SLC25A1: variants seen among roughly 807,000 people sequenced by gnomAD.
SLC25A1 encodes the protein solute carrier family 25 member 1.
In SLC25A1, 26 loss-of-function variants were observed where a neutral mutation model predicts 38.1. The ratio of observed to expected loss-of-function variants is 0.68; its 90% CI spans 0.50 to 0.95. The LOEUF (loss-of-function observed/expected upper bound fraction) is 0.95. SLC25A1 is among the 40% of genes least tolerant of loss of function. SLC25A1 has a pLI of 0.00. For synonymous variants in SLC25A1, 211 were observed against 183.2 expected (o/e 1.15, Z -1.23); for missense variants, 378 against 426.6 (o/e 0.89, Z 1.00).
rs782161495 is a variant in SLC25A1, at chr22:19,177,790, C to A, written c.378G>T (p.Leu126=). The change falls in exon 4 of 9, where the codon CTG becomes CTT. Residue 126 remains leucine (L), a synonymous_variant. Transcript: ENST00000215882. ...CGGCCACGCCAGCGCCCAGGCCGCA[C>A]AGCAGCCCACGCGTGCTGTCCAGCC... ...QGRLDSTRGL[L]CGLGAGVAEA... 2 of 1,610,540 alleles carry A rather than the reference C, an allele frequency of 1.2e-6. No homozygotes were observed. The highest frequency in any genetic ancestry group is 1.3e-5 in the African/African-American group (1 of 74,862).
chr22:19,176,152 T>C lies in SLC25A1; in HGVS notation c.914A>G (p.Asn305Ser). Residue 305 changes from asparagine to serine, a missense_variant, in exon 9 of 9, where the codon AAC becomes AGC. Physicochemically the swap from Asn to Ser is conservative, Grantham distance 46. Coordinates refer to ENST00000215882, the MANE Select transcript of SLC25A1 (RefSeq NM_005984.5). ...VIYDEVVKLL[N>S]KVWKTD ...GGCTTAGTCCGTCTTCCACACTTTG[T>C]TGAGCAGCTTCACCACTTCATCATA... 1 of 1,613,948 alleles carries C rather than the reference T, an allele frequency of 6.2e-7. No individual in the cohort carries two copies. Among genetic ancestry groups the C allele is most frequent in the Non-Finnish European group, 8.5e-7 (1 of 1,180,000 alleles).
rs782585293 is a variant in SLC25A1, at chr22:19,176,459, G to GTCCCAC, written c.777_782dup (p.Trp260_Asp261insGluTrp). 2 of 1,613,892 alleles carry GTCCCAC rather than the reference G, an allele frequency of 1.2e-6. No homozygotes were observed. Among genetic ancestry groups the GTCCCAC allele is most frequent in the Non-Finnish European group, 8.5e-7 (1 of 1,180,018 alleles). ...CCTTCTTCAGGATCTGCAAGCCGCA[G>GTCCCAC]TCCCACGTGTTCCGGTATTTGTGCG... On this transcript the variant is annotated inframe_insertion, in exon 8 of 9. Coordinates refer to ENST00000215882, the MANE Select transcript of SLC25A1 (RefSeq NM_005984.5).
In SLC25A1 at chr22:19,176,067, GAGAC is replaced by G; in HGVS notation, c.*59_*62del. On this transcript the variant is annotated 3_prime_UTR_variant, in exon 9 of 9. Transcript: ENST00000215882. ...TTTGGCACTACTGCACTGGAATCGTGAGACAAAGGTAGCAGGACACTCTGGCGGT... is the reference window on the plus strand; with the variant it reads ...TTTGGCACTACTGCACTGGAATCGTGAAAGGTAGCAGGACACTCTGGCGGT... The G allele has an allele frequency of 2.2e-6, 3 of 1,390,762 alleles. No homozygotes were observed. Among genetic ancestry groups the G allele is most frequent in the Non-Finnish European group, 3.1e-6 (3 of 978,502 alleles). 86.2% of individuals were successfully genotyped at this position (1,390,762 alleles called of 1,614,324 possible).
At chr22:19,177,296 G>A in intron 4 of SLC25A1, 92 bp from the exon 5 acceptor site, 2 of 1,020,360 alleles carry the variant, frequency 2.0e-6, no homozygotes, top group Non-Finnish European at 3.0e-6. Context: ...AGGGTGGAGG[G>A]AACTGGGAAC....
In SLC25A1 at chr22:19,175,839, G is replaced by A. The variant is rs886805170; in HGVS notation, c.*291C>T. On this transcript the variant is annotated 3_prime_UTR_variant, in exon 9 of 9. Coordinates refer to ENST00000215882, the MANE Select transcript of SLC25A1 (RefSeq NM_005984.5). ...AGGACCCAGGCCACACGGGCACCCC[G>A]GGAGGCGGGGCACAGGGTCACGTGA... is the stretch of plus-strand genomic sequence containing the variant. 2.9e-4 allele frequency: 22 copies of A among 74,922 alleles called. No individual in the cohort carries two copies. The highest frequency in any genetic ancestry group is 4.8e-3 in the Middle Eastern group (1 of 208). The allele number at this position is 74,922 out of a possible 1,614,324, so 4.6% of individuals were successfully genotyped here. A position where few individuals can be genotyped will look rare whatever the true frequency, so the allele number is the denominator to read the frequency against.
chr22:19,177,064 C>G (rs1555922587), intron 5 of SLC25A1, 56 bp downstream of exon 5: 3 of 1,586,738 alleles, frequency 1.9e-6, no homozygotes, highest in South Asian at 2.2e-5. Flanking sequence ...GAGGTGCAGG[C>G]CCTTCCCACC....
At chr22:19,177,328 G>A (rs1182441958) in intron 4 of SLC25A1, 124 bp from the exon 5 acceptor site, 2 of 770,682 alleles carry the variant, frequency 2.6e-6, no homozygotes, top group Non-Finnish European at 4.3e-6. Context: ...AAGCAGTGCA[G>A]CCAAGGCCGC....
intron 5 of SLC25A1, 28 bp downstream of exon 5, chr22:19,177,092 G>A (rs782215747): frequency 1.6e-5 from 25 of 1,609,398 alleles, no homozygotes; most frequent in African/African-American, 1.5e-4. Flanking sequence ...AGGTCCCTGA[G>A]CCCTATCAGG....
chr22:19,178,172 G>C lies in SLC25A1; in HGVS notation c.163C>G (p.Leu55Val). 6.4e-7 allele frequency: 1 copy of C among 1,551,110 alleles called. No homozygotes were observed. The highest frequency in any genetic ancestry group is 8.7e-7 in the Non-Finnish European group (1 of 1,148,266). Residue 55 changes from leucine (L) to valine (V), a missense_variant, in exon 2 of 9, where the codon CTG becomes GTG. Leu to Val is a conservative substitution (Grantham distance 32, BLOSUM62 1). Coordinates refer to ENST00000215882, the MANE Select transcript of SLC25A1 (RefSeq NM_005984.5). The surrounding 1 kb of genome is among the most constrained non-coding windows in gnomAD (Gnocchi z 4.9). ...PTEYVKTQLQ[L>V]DERSHPPRYR... Reference sequence around the variant, plus strand: ...CGCGGCGGGTGCGAGCGCTCGTCCAGCTGCAGCTGCGTCTTCACGTACTCG... The same window carrying C: ...CGCGGCGGGTGCGAGCGCTCGTCCACCTGCAGCTGCGTCTTCACGTACTCG...
rs1555922932 is a variant in SLC25A1, at chr22:19,177,766, G to C, written c.402C>G (p.Ala134=). The change falls in exon 4 of 9, where the codon GCC becomes GCG. Residue 134 remains alanine, a synonymous_variant. Transcript: ENST00000215882. ...TGGGGCACACGACCACCACGGCCTCGGCCACGCCAGCGCCCAGGCCGCACA... is the reference window on the plus strand; with the variant it reads ...TGGGGCACACGACCACCACGGCCTCCGCCACGCCAGCGCCCAGGCCGCACA... The part of the protein sequence containing the change: ...GLLCGLGAGV[A]EAVVVVCPME... 9 of 1,609,624 alleles carry C rather than the reference G, an allele frequency of 5.6e-6. No homozygotes were observed. The South Asian group carries it at 8.8e-5, about 16-fold the overall frequency.
Position 19,176,035 on chromosome 22 carries a change from G to C in SLC25A1, c.*95C>G. ...CTACAGAGCTCGAGGGACGTGGGAA[G>C]GGGCCTTTTGGCACTACTGCACTGG... is the stretch of plus-strand genomic sequence containing the variant. On this transcript the variant is annotated 3_prime_UTR_variant, in exon 9 of 9. Coordinates refer to ENST00000215882, the MANE Select transcript of SLC25A1 (RefSeq NM_005984.5). 4 of 966,496 alleles carry C rather than the reference G, an allele frequency of 4.1e-6. No homozygotes were observed. The highest frequency in any genetic ancestry group is 6.6e-6 in the Non-Finnish European group (4 of 603,666). 59.9% of individuals were successfully genotyped at this position (966,496 alleles called of 1,614,324 possible). A position where few individuals can be genotyped will look rare whatever the true frequency, so the allele number is the denominator to read the frequency against.
chr22:19,176,807 G>A (rs371609969), intron 6 of SLC25A1, 39 bp downstream of exon 6: 1 of 1,605,180 alleles, frequency 6.2e-7, no homozygotes, highest in African/African-American at 1.3e-5. Context: ...GAGAGGAGCT[G>A]GCCATGTGCA....
At chr22:19,177,286 AG>A in intron 4 of SLC25A1, 82 bp from the exon 5 acceptor site, 2 of 1,153,594 alleles carry the variant, frequency 1.7e-6, no homozygotes, top group East Asian at 4.9e-5. Context: ...GGGCCCATCC[AG>A]GGTGGAGGGA....
Position 19,178,552 on chromosome 22 carries a change from G to A in SLC25A1, c.94+28C>T, listed in dbSNP as rs1307440960. The A allele has an allele frequency of 8.8e-6, 11 of 1,251,794 alleles. No individual in the cohort carries two copies. The Admixed American group carries it at 3.9e-4, about 44-fold the overall frequency. The allele number at this position is 1,251,794 out of a possible 1,614,324, so 77.5% of individuals were successfully genotyped here. The stretch of plus-strand genomic sequence containing the variant: ...GGGCCCACCCAGAAGCGCGGCGGGA[G>A]AGGGGTCCGCGTCCCGGAGGGGCCC... On this transcript the variant is annotated intron_variant, in intron 1 of 8. Transcript: ENST00000215882. This position sits in a 1 kb window ranked among gnomAD's most constrained non-coding sequence, Gnocchi z 4.9.
chr22:19,177,124 T>C lies in SLC25A1; in HGVS notation c.522A>G (p.Glu174=). ...CAGGAAGGTCGAGTGGCTCACCTTG[T>C]TCCCGCACAATCTCCCTAACCCCGT... ...FFHGVREIVR[E]QGLKGTYQGL... is the part of the protein sequence containing the mutation. Residue 174 remains glutamate, a synonymous_variant, in exon 5 of 9, where the codon GAA becomes GAG. Transcript: ENST00000215882. 6.2e-7 allele frequency: 1 copy of C among 1,613,920 alleles called. No individual in the cohort carries two copies. The highest frequency in any genetic ancestry group is 1.1e-5 in the South Asian group (1 of 91,090).
chr22:19,177,273 C>A, intron 4 of SLC25A1, 69 bp from the exon 5 acceptor site: 4 of 1,323,062 alleles, frequency 3.0e-6, no homozygotes, highest in Non-Finnish European at 4.3e-6. Flanking sequence ...GCTGGCAGGC[C>A]CAGGGCCCAT....
chr22:19,176,064 C>CAT lies in SLC25A1; in HGVS notation c.*65_*66insAT, dbSNP rs35359423. 0.68 allele frequency: 901,036 copies of CAT among 1,324,788 alleles called. 314,159 individuals are homozygous for CAT. The highest frequency in any genetic ancestry group is 0.95 in the East Asian group (41,211 of 43,530). 82.1% of individuals were successfully genotyped at this position (1,324,788 alleles called of 1,614,324 possible). A position where few individuals can be genotyped will look rare whatever the true frequency, so the allele number is the denominator to read the frequency against. Reference sequence around the variant, plus strand: ...CCTTTTGGCACTACTGCACTGGAATCGTGAGACAAAGGTAGCAGGACACTC... The same window carrying CAT: ...CCTTTTGGCACTACTGCACTGGAATCATGTGAGACAAAGGTAGCAGGACACTC... On this transcript the variant is annotated 3_prime_UTR_variant, in exon 9 of 9. Transcript: ENST00000215882.
Position 19,177,853 on chromosome 22 carries a change from G to A in SLC25A1, c.315C>T (p.Phe105=), listed in dbSNP as rs2083990316. 1 of 1,608,062 alleles carries A rather than the reference G, an allele frequency of 6.2e-7. No homozygotes were observed. Among genetic ancestry groups the A allele is most frequent in the Non-Finnish European group, 8.5e-7 (1 of 1,177,846 alleles). The part of the protein sequence containing the change: ...IPKAAVRFGM[F]EFLSNHMRDA... ...CCCGCATGTGGTTGCTGAGGAACTC[G>A]AACATTCCAAACCTGGAGGCGGGAG... Residue 105 remains phenylalanine, a synonymous_variant, in exon 4 of 9, where the codon TTC becomes TTT. Coordinates refer to ENST00000215882, the MANE Select transcript of SLC25A1 (RefSeq NM_005984.5).
chr22:19,177,147 C>G lies in SLC25A1; in HGVS notation c.499G>C (p.Gly167Arg). The G allele has an allele frequency of 6.8e-6, 11 of 1,614,058 alleles. No individual in the cohort carries two copies. The highest frequency in any genetic ancestry group is 9.3e-6 in the Non-Finnish European group (11 of 1,179,952). The change falls in exon 5 of 9, where the codon GGG becomes CGG. Residue 167 changes from glycine (G) to arginine (R), a missense_variant. Physicochemically the swap from Gly to Arg is moderately radical, Grantham distance 125. Coordinates refer to ENST00000215882, the MANE Select transcript of SLC25A1 (RefSeq NM_005984.5). ...PNPKYRGFFH[G>R]VREIVREQGL... Reference sequence around the variant, plus strand: ...TGTTCCCGCACAATCTCCCTAACCCCGTGGAAGAATCCTCTGTACTTGGGG... The same window carrying G: ...TGTTCCCGCACAATCTCCCTAACCCGGTGGAAGAATCCTCTGTACTTGGGG...
Sources: gnomAD v4.1 joint callset for allele counts on GRCh38, gnomAD v4.1.1 for gene constraint, Gnocchi (gnomAD v3.1) non-coding constraint, MANE v1.5 for transcripts, NCBI Gene and HGNC (gene_info 2026-07-23, HGNC 2026-07-21) for gene names.